The following NCOA2 variants were observed in gnomAD, a reference collection of about 807,000 sequenced individuals.
NCOA2 encodes nuclear receptor coactivator 2.
Under a neutral mutation model 145.1 loss-of-function variants are expected in NCOA2, and 21 were observed. That is an observed-to-expected ratio of 0.14 (90% CI 0.10 to 0.21). The LOEUF (loss-of-function observed/expected upper bound fraction) is 0.21, where lower values mean the gene tolerates loss of function less well. Among genes scored for constraint, NCOA2 ranks in the 10% least tolerant of loss-of-function variants. The probability of loss-of-function intolerance (pLI) is 1.00; values close to 1 mark genes in which losing one functional copy is unlikely to be tolerated. For missense variants in NCOA2, 1,472 were observed against 1,837.6 expected, an observed-to-expected ratio of 0.80 and a Z score of 3.64; for synonymous variants, 619 against 637.5, an observed-to-expected ratio of 0.97 and a Z score of 0.44.
intron 2 of NCOA2, among the ~76,000 whole-genome samples, chr8:70,250,281 A>G (rs1823033550): frequency 6.7e-6 from 1 of 150,082 alleles, no homozygotes; most frequent in Admixed American, 6.7e-5. Flanking sequence ...AGCTCCAGCT[A>G]CTCAGGAGGC....
chr8:70,216,086 T>G (rs1022232747), intron 3 of NCOA2, among the ~76,000 whole-genome samples: 1 of 152,212 alleles, frequency 6.6e-6, no homozygotes, highest in African/African-American at 2.4e-5. Context: ...TTAAAGTATA[T>G]AATAGGAAAA....
intron 2 of NCOA2, among the ~76,000 whole-genome samples, chr8:70,270,317 C>CA (rs1824946039): frequency 6.6e-6 from 1 of 152,162 alleles, no homozygotes; most frequent in Admixed American, 6.5e-5. Flanking sequence ...CTCAACTATG[C>CA]AACAGCCGAA....
chr8:70,182,305 T>C (rs986092111), intron 4 of NCOA2, among the ~76,000 whole-genome samples: 2 of 152,184 alleles, frequency 1.3e-5, no homozygotes, highest in Admixed American at 6.5e-5. Context: ...CATGAAGAAA[T>C]AGCAAAATTA....
chr8:70,148,761 C>T (rs1811401365), intron 11 of NCOA2, among the ~76,000 whole-genome samples: 1 of 152,132 alleles, frequency 6.6e-6, no homozygotes, highest in Admixed American at 6.5e-5. Context: ...GATTTATTGG[C>T]AATTTATAAA....
intron 2 of NCOA2, among the ~76,000 whole-genome samples, chr8:70,265,745 T>C (rs184707488): frequency 3.9e-5 from 6 of 152,350 alleles, no homozygotes; most frequent in East Asian, 1.9e-4. Context: ...TTTTCACCTC[T>C]GATCTATTTT....
intron 2 of NCOA2, among the ~76,000 whole-genome samples, chr8:70,270,995 A>T (rs1825005035): frequency 6.6e-6 from 1 of 152,244 alleles, no homozygotes; most frequent in African/African-American, 2.4e-5. Context: ...TTAAATTAGC[A>T]TTGAAATTCT....
intron 1 of NCOA2, among the ~76,000 whole-genome samples, chr8:70,311,840 C>G (rs936596029): frequency 6.6e-6 from 1 of 152,188 alleles, no homozygotes; most frequent in Non-Finnish European, 1.5e-5. Context: ...CTACCATCCT[C>G]AAATAAAGAG....
chr8:70,404,253 G>A (rs900387855), upstream of NCOA2, among the ~76,000 whole-genome samples: 8 of 152,246 alleles, frequency 5.3e-5, no homozygotes, highest in Non-Finnish European at 1.0e-4. Context: ...GACTGCATGG[G>A]AGGGCAAAGG....
At chr8:70,438,236 A>G in the NCOA2 span, among the ~76,000 whole-genome samples, 1 of 152,166 alleles carries the variant, frequency 6.6e-6, no homozygotes, top group Non-Finnish European at 1.5e-5. Flanking sequence ...ATTTCACTCT[A>G]TTTTTGTGTT....
intron 4 of NCOA2, 116 bp from the exon 5 acceptor site, chr8:70,174,975 CAA>C (rs1303744424): frequency 1.4e-5 from 13 of 905,604 alleles, no homozygotes; most frequent in Middle Eastern, 2.7e-4. Flanking sequence ...GATGCAGCTA[CAA>C]AAGAGTTACA....
Position 70,273,341 on chromosome 8 carries a change from T to C in NCOA2, c.-20+23403A>G, listed in dbSNP as rs1042185352. The C allele has an allele frequency of 2.7e-5, 10 of 368,640 alleles. No homozygotes were observed. The Middle Eastern group carries it at 2.6e-3, about 97-fold the overall frequency. The allele number at this position is 368,640 out of a possible 1,614,324, so 22.8% of individuals were successfully genotyped here. On this transcript the variant is annotated intron_variant, in intron 2 of 22. Coordinates refer to ENST00000452400, the MANE Select transcript of NCOA2 (RefSeq NM_006540.4). ...GAGACCCCCTGAGCACCAACCCTAG[T>C]CCCCCGCGCAGCCCCTTATCCGCTG...
In NCOA2 at chr8:70,111,820, ACTT is replaced by A. The variant is rs998716883; in HGVS notation, c.*1809_*1811del. 1.8e-5 allele frequency: 4 copies of A among 219,510 alleles called. No individual in the cohort carries two copies. The highest frequency in any genetic ancestry group is 3.6e-5 in the Non-Finnish European group (4 of 109,660). The allele number at this position is 219,510 out of a possible 1,614,324, so 13.6% of individuals were successfully genotyped here. ...ACAAACAATCAAATTTCAAGGAAAA[ACTT>A]CTCTGTTCCTAAAAAGCCTGGCTAA... On this transcript the variant is annotated 3_prime_UTR_variant, in exon 23 of 23. Transcript: ENST00000452400.
intron 22 of NCOA2, among the ~76,000 whole-genome samples, chr8:70,114,599 G>C (rs935912140): frequency 2.6e-5 from 4 of 152,174 alleles, no homozygotes; most frequent in African/African-American, 9.7e-5. Flanking sequence ...TGCCCGACTA[G>C]GCAAGGCTGA....
chr8:70,414,100 T>C, the NCOA2 span, among the ~76,000 whole-genome samples: 21 of 152,364 alleles, frequency 1.4e-4, no homozygotes, highest in South Asian at 4.3e-3. Flanking sequence ...TCACATTCTT[T>C]TCTTATAAAA....
chr8:70,255,818 G>T (rs922143129), intron 2 of NCOA2, among the ~76,000 whole-genome samples: 4 of 152,160 alleles, frequency 2.6e-5, no homozygotes, highest in African/African-American at 9.7e-5. Flanking sequence ...GTCGGGGGCA[G>T]ATTAGGCATA....
At chr8:70,259,101 C>T (rs1303494120) in intron 2 of NCOA2, among the ~76,000 whole-genome samples, 2 of 152,152 alleles carry the variant, frequency 1.3e-5, no homozygotes, top group African/African-American at 4.8e-5. Flanking sequence ...TTTTGAGTGA[C>T]CTTTCCTTCC....
intron 1 of NCOA2, among the ~76,000 whole-genome samples, chr8:70,386,788 A>G (rs1222527257): frequency 6.6e-6 from 1 of 152,216 alleles, no homozygotes; most frequent in African/African-American, 2.4e-5. Flanking sequence ...CAGCAACTCA[A>G]GTGTTATTAT....
At chr8:70,310,520 A>T (rs1392277518) in intron 1 of NCOA2, among the ~76,000 whole-genome samples, 1 of 152,150 alleles carries the variant, frequency 6.6e-6, no homozygotes. Context: ...CTGATTTCAG[A>T]CCATAAATTC....
intron 1 of NCOA2, among the ~76,000 whole-genome samples, chr8:70,350,538 T>A (rs1809081702): frequency 1.3e-5 from 2 of 152,224 alleles, no homozygotes; most frequent in African/African-American, 4.8e-5. Flanking sequence ...ACAACTGATG[T>A]TTACTTACTA....
Sources: allele counts gnomAD v4.1 joint callset (sites outside exome capture counted in the v4.1 genomes callset), GRCh38; gene constraint gnomAD v4.1.1; transcripts MANE v1.5; gene names NCBI Gene and HGNC (gene_info 2026-07-23, HGNC 2026-07-21).